Variants in TFDP2 observed in about 807,000 individuals in gnomAD.
TFDP2 encodes the protein transcription factor Dp-2, also known as transcription factor Dp-2 (E2F dimerization partner 2).
A neutral mutation model predicts 59.3 loss-of-function variants in TFDP2; 17 were observed. That is an observed-to-expected ratio of 0.29 (90% CI 0.20 to 0.43). The LOEUF is 0.43. Ranked by LOEUF, TFDP2 falls within the 20% of genes least tolerant of loss-of-function variation. TFDP2 has a pLI of 1.00. For missense variants in TFDP2, 391 were observed against 528.8 expected, an observed-to-expected ratio of 0.74 and a Z score of 2.56; for synonymous variants, 180 against 194.7, an observed-to-expected ratio of 0.92 and a Z score of 0.63.
chr3:142,016,203 A>G (rs1288036412), intron 3 of TFDP2, among the ~76,000 whole-genome samples: 1 of 149,888 alleles, frequency 6.7e-6, no homozygotes, highest in Non-Finnish European at 1.5e-5. Context: ...GGGTTTCACT[A>G]TGTTGGCCAG....
intron 3 of TFDP2, among the ~76,000 whole-genome samples, chr3:142,081,004 A>C (rs1249102756): frequency 6.6e-6 from 1 of 152,214 alleles, no homozygotes; most frequent in African/African-American, 2.4e-5. Flanking sequence ...GATATTTACA[A>C]AACATTTCAT....
At chr3:142,072,172 T>C (rs2060270289) in intron 3 of TFDP2, among the ~76,000 whole-genome samples, 2 of 152,206 alleles carry the variant, frequency 1.3e-5, no homozygotes, top group Admixed American at 6.5e-5. Context: ...ACAGAATGAA[T>C]GCTTACTATG....
intron 3 of TFDP2, among the ~76,000 whole-genome samples, chr3:142,050,553 G>A (rs888103284): frequency 4.6e-5 from 7 of 151,994 alleles, no homozygotes; most frequent in South Asian, 2.1e-4. Context: ...AAAATTAGCC[G>A]GGTGTGGTGG....
chr3:142,050,354 C>T (rs1056865840), intron 3 of TFDP2, among the ~76,000 whole-genome samples: 16 of 151,912 alleles, frequency 1.1e-4, no homozygotes, highest in African/African-American at 2.2e-4. Flanking sequence ...TATCCTTCTG[C>T]GACACTGAAT....
At chr3:142,104,052 T>C (rs930837829) in intron 1 of TFDP2, among the ~76,000 whole-genome samples, 27 of 152,148 alleles carry the variant, frequency 1.8e-4, no homozygotes, top group African/African-American at 6.5e-4. Flanking sequence ...CTCCTTTCTT[T>C]TGCTTTTCAA....
At chr3:142,119,923 G>A (rs555681306) in intron 1 of TFDP2, among the ~76,000 whole-genome samples, 65 of 151,602 alleles carry the variant, frequency 4.3e-4, no homozygotes, top group South Asian at 1.3e-3. Context: ...GGTGGTGCGC[G>A]CCTGTAGTCC....
At chr3:141,976,376 AT>A (rs1940642303) in intron 7 of TFDP2, among the ~76,000 whole-genome samples, 1 of 152,216 alleles carries the variant, frequency 6.6e-6, no homozygotes, top group African/African-American at 2.4e-5. Flanking sequence ...AGCATTCTAA[AT>A]TATCAGAAAA....
At chr3:142,144,192 G>A (rs1160963230) in intron 1 of TFDP2, among the ~76,000 whole-genome samples, 1 of 152,124 alleles carries the variant, frequency 6.6e-6, no homozygotes, top group Non-Finnish European at 1.5e-5. Context: ...TGGCCAAAAT[G>A]GCAAAACCCT....
At chr3:141,972,119 T>G (rs1939854089) in intron 8 of TFDP2, among the ~76,000 whole-genome samples, 1 of 152,236 alleles carries the variant, frequency 6.6e-6, no homozygotes, top group Non-Finnish European at 1.5e-5. Context: ...CACGTTTTAC[T>G]TTTAAATTAC....
chr3:142,144,569 T>G (rs1044291738), intron 1 of TFDP2, among the ~76,000 whole-genome samples: 1 of 152,160 alleles, frequency 6.6e-6, no homozygotes, highest in Non-Finnish European at 1.5e-5. Flanking sequence ...AGAGATAGGG[T>G]CTCACTCTGT....
chr3:142,075,734 GAAAAAAA>G (rs530375441), intron 3 of TFDP2, among the ~76,000 whole-genome samples: 239 of 45,528 alleles, frequency 5.2e-3, no homozygotes, highest in Middle Eastern at 0.036. Flanking sequence ...TGTCTCTACA[GAAAAAAA>G]AAAAAAAAAA....
chr3:142,133,418 C>A (rs1053373616), intron 1 of TFDP2, among the ~76,000 whole-genome samples: 1 of 149,646 alleles, frequency 6.7e-6, no homozygotes, highest in South Asian at 2.1e-4. Context: ...TGGGGTTTCA[C>A]TAGTCTCATA....
At chr3:142,052,373 T>TAAAA (rs62921761) in intron 3 of TFDP2, among the ~76,000 whole-genome samples, 1 of 144,212 alleles carries the variant, frequency 6.9e-6, no homozygotes, top group African/African-American at 2.5e-5. Flanking sequence ...CTGCCTCTAC[T>TAAAA]AAAAAAAAAA....
chr3:142,083,210 T>C (rs1475635562), intron 3 of TFDP2, among the ~76,000 whole-genome samples: 1 of 152,178 alleles, frequency 6.6e-6, no homozygotes, highest in Non-Finnish European at 1.5e-5. Context: ...AGCTTTCTAA[T>C]GGCAACAGTG....
intron 1 of TFDP2, among the ~76,000 whole-genome samples, chr3:142,119,748 GTC>G (rs1339604729): frequency 1.3e-5 from 2 of 152,068 alleles, no homozygotes; most frequent in Non-Finnish European, 2.9e-5. Context: ...GCAACACCCT[GTC>G]TCTAAAACAA....
At chr3:142,051,479 C>T (rs1252997609) in intron 3 of TFDP2, among the ~76,000 whole-genome samples, 1 of 150,836 alleles carries the variant, frequency 6.6e-6, no homozygotes, top group African/African-American at 2.4e-5. Context: ...GCGGAGGTTG[C>T]ACCACTGCAC....
At chr3:142,116,847 C>A (rs2061867715) in intron 1 of TFDP2, among the ~76,000 whole-genome samples, 1 of 152,036 alleles carries the variant, frequency 6.6e-6, no homozygotes, top group Non-Finnish European at 1.5e-5. Context: ...CAACTTAATT[C>A]TTTTACTGCT....
At chr3:142,044,049 G>A in intron 3 of TFDP2, 2 of 656,776 alleles carry the variant, frequency 3.0e-6, no homozygotes, top group South Asian at 3.1e-5. Flanking sequence ...GCTTGCTGAT[G>A]ATCAGCTCAT....
intron 1 of TFDP2, among the ~76,000 whole-genome samples, chr3:142,129,335 C>T (rs2062403593): frequency 6.6e-6 from 1 of 151,626 alleles, no homozygotes; most frequent in African/African-American, 2.4e-5. Flanking sequence ...ACAATGACTC[C>T]CAATTAAAGA....
Sources: allele counts gnomAD v4.1 joint callset (sites outside exome capture counted in the v4.1 genomes callset), GRCh38; gene constraint gnomAD v4.1.1; transcripts MANE v1.5; gene names NCBI Gene and HGNC (gene_info 2026-07-23, HGNC 2026-07-21).